APBB2: variants seen among roughly 807,000 people sequenced by gnomAD.
APBB2 encodes Fe65-like 1.
A neutral mutation model predicts 82.5 loss-of-function variants in APBB2; 38 were observed. The observed-to-expected ratio is 0.46, with a 90% CI of 0.36 to 0.60. The LOEUF (loss-of-function observed/expected upper bound fraction) is 0.60, where lower values mean the gene tolerates loss of function less well. Among genes scored for constraint, APBB2 ranks in the 20% least tolerant of loss-of-function variants. The pLI is 0.00. For synonymous variants in APBB2, 341 were observed against 368.2 expected (o/e 0.93, Z 0.85); for missense variants, 772 against 972.3 (o/e 0.79, Z 2.74).
intron 4 of APBB2, among the ~76,000 whole-genome samples, chr4:41,060,223 T>TAG (rs1362553148): frequency 1.3e-5 from 2 of 151,984 alleles, no homozygotes; most frequent in Non-Finnish European, 2.9e-5. Flanking sequence ...GAGCTAGAAA[T>TAG]AGAAAAGTAA....
At chr4:40,945,487 CT>C (rs35269476) in intron 6 of APBB2, among the ~76,000 whole-genome samples, 59,349 of 152,112 alleles carry the variant, frequency 0.39, 12,373 homozygotes, top group Non-Finnish European at 0.48. Context: ...AGCTATAACT[CT>C]TAATTTTCCT....
intron 10 of APBB2, among the ~76,000 whole-genome samples, chr4:40,920,004 GT>G (rs1363625079): frequency 6.6e-6 from 1 of 152,154 alleles, no homozygotes; most frequent in African/African-American, 2.4e-5. Context: ...TTCTCTGGCT[GT>G]TTTTTCCTCT....
chr4:40,854,978 T>C (rs1466096236), intron 12 of APBB2, among the ~76,000 whole-genome samples: 1 of 152,198 alleles, frequency 6.6e-6, no homozygotes, highest in African/African-American at 2.4e-5. Flanking sequence ...TGCCCCTCCT[T>C]GCAGCTGCAG....
At chr4:40,819,649 AG>A (rs2154294681) in intron 17 of APBB2, among the ~76,000 whole-genome samples, 1 of 152,266 alleles carries the variant, frequency 6.6e-6, no homozygotes, top group African/African-American at 2.4e-5. Flanking sequence ...AGAATAAAAA[AG>A]GGGCAGGCCT....
rs186581650 is a variant in APBB2, at chr4:41,109,615, C to A, written c.-260-8865G>T. ...CCTCCCGAGTAGCCGGGATTACAGG[C>A]ACCCACCACTACACTGGGCTAATTT... On this transcript the variant is annotated intron_variant, in intron 2 of 17. Coordinates refer to ENST00000508593, the MANE Select transcript of APBB2 (RefSeq NM_004307.2). 6.8e-3 allele frequency among the ~76,000 whole-genome samples: 1,038 copies of A among 152,246 alleles called. 13 individuals are homozygous for A. The highest frequency in any genetic ancestry group is 0.021 in the African/African-American group (887 of 41,556).
rs138701330 is a variant in APBB2, at chr4:41,147,212, T to C, written c.-416-4070A>G. Among the ~76,000 whole-genome samples, 547 of 152,334 alleles carry C rather than the reference T, an allele frequency of 3.6e-3. 2 individuals carry two copies. The highest frequency in any genetic ancestry group is 5.4e-3 in the Non-Finnish European group (367 of 68,034). On this transcript the variant is annotated intron_variant, in intron 1 of 17. Transcript: ENST00000508593. ...CACCTTAAAGTCATTTGTAAGATAA[T>C]GAGGGTAAGTTTAAATGTAGCAGTC... is the stretch of plus-strand genomic sequence containing the variant.
At chr4:41,146,335 A>C (rs1282758136) in intron 1 of APBB2, among the ~76,000 whole-genome samples, 1 of 150,776 alleles carries the variant, frequency 6.6e-6, no homozygotes, top group Non-Finnish European at 1.5e-5. Flanking sequence ...AAAAAAAAAA[A>C]AAAAAAAAAA....
chr4:40,963,193 T>C (rs1169426853), intron 6 of APBB2, among the ~76,000 whole-genome samples: 2 of 152,194 alleles, frequency 1.3e-5, no homozygotes, highest in African/African-American at 2.4e-5. Context: ...AATTCTGGCA[T>C]GTTCTAAGCA....
At chr4:41,110,522 G>A (rs1171922535) in intron 2 of APBB2, among the ~76,000 whole-genome samples, 2 of 151,392 alleles carry the variant, frequency 1.3e-5, no homozygotes, top group Middle Eastern at 3.4e-3. Flanking sequence ...AGAATCACTT[G>A]AGCCCGGGAG....
chr4:40,822,201 G>C, intron 16 of APBB2, 151 bp from the exon 17 acceptor site: 3 of 818,048 alleles, frequency 3.7e-6, no homozygotes, highest in Non-Finnish European at 5.8e-6. Context: ...TTGCCCAAAT[G>C]TCTGAAGAGG....
intron 10 of APBB2, among the ~76,000 whole-genome samples, 181 bp from the exon 11 acceptor site, chr4:40,893,592 AT>A (rs1206974459): frequency 2.5e-5 from 3 of 121,110 alleles, no homozygotes; most frequent in African/African-American, 9.1e-5. Flanking sequence ...AATTGTAACT[AT>A]TTTTTGCTAT....
intron 2 of APBB2, among the ~76,000 whole-genome samples, chr4:41,135,856 G>A (rs1757412295): frequency 6.6e-6 from 1 of 152,146 alleles, no homozygotes; most frequent in African/African-American, 2.4e-5. Flanking sequence ...TTCTAGACAG[G>A]ATCTGGGTCT....
At chr4:41,156,859 A>G (rs1168130348) in intron 1 of APBB2, among the ~76,000 whole-genome samples, 1 of 152,118 alleles carries the variant, frequency 6.6e-6, no homozygotes, top group Admixed American at 6.5e-5. Flanking sequence ...TGAGGTTAGG[A>G]GTTCGAGACC....
chr4:40,815,871 A>G lies in APBB2; in HGVS notation c.*221T>C. ...ATAAGAAAAAGACCTTCCACTGCGCATGATGTAACTTACAGCAAAAAAAAT... is the reference window on the plus strand; with the variant it reads ...ATAAGAAAAAGACCTTCCACTGCGCGTGATGTAACTTACAGCAAAAAAAAT... On this transcript the variant is annotated 3_prime_UTR_variant, in exon 18 of 18. Transcript: ENST00000508593. 1 of 538,218 alleles carries G rather than the reference A, an allele frequency of 1.9e-6. No individual in the cohort carries two copies. Among genetic ancestry groups the G allele is most frequent in the Non-Finnish European group, 3.3e-6 (1 of 301,204 alleles). The allele number at this position is 538,218 out of a possible 1,614,324, so 33.3% of individuals were successfully genotyped here. A position where few individuals can be genotyped will look rare whatever the true frequency, so the allele number is the denominator to read the frequency against.
rs185650444 is a variant in APBB2, at chr4:40,812,514, C to G, written c.*3578G>C. The G allele has an allele frequency of 6.6e-6, 1 of 152,180 alleles. No individual in the cohort carries two copies. The highest frequency in any genetic ancestry group is 1.5e-5 in the Non-Finnish European group (1 of 68,050). 9.4% of individuals were successfully genotyped at this position (152,180 alleles called of 1,614,324 possible). A position where few individuals can be genotyped will look rare whatever the true frequency, so the allele number is the denominator to read the frequency against. ...CTTTCTACTGGCCGTGTGGCACACACGTTAGATGTGTATTAGGTTAAGCCT... is the reference window on the plus strand; with the variant it reads ...CTTTCTACTGGCCGTGTGGCACACAGGTTAGATGTGTATTAGGTTAAGCCT... On this transcript the variant is annotated 3_prime_UTR_variant, in exon 18 of 18. Transcript: ENST00000508593.
Position 40,828,889 on chromosome 4 carries a change from C to T in APBB2, c.1644+1574G>A, listed in dbSNP as rs371872293. 3.3e-5 allele frequency among the ~76,000 whole-genome samples: 5 copies of T among 152,322 alleles called. No homozygotes were observed. The East Asian group carries it at 7.7e-4, about 24-fold the overall frequency. Reference sequence around the variant, plus strand: ...GGGACAGCTCCCTGCCCCTGTCCCTCCCTCAGGCACCATGGCTTGGACCTC... The same window carrying T: ...GGGACAGCTCCCTGCCCCTGTCCCTTCCTCAGGCACCATGGCTTGGACCTC... On this transcript the variant is annotated intron_variant, in intron 13 of 17. Transcript: ENST00000508593.
chr4:41,160,948 A>G (rs1764984860), intron 1 of APBB2, among the ~76,000 whole-genome samples: 1 of 152,152 alleles, frequency 6.6e-6, no homozygotes. Context: ...AAGGAGGTAG[A>G]TAAGTAATTT....
chr4:41,065,959 G>T (rs747513716), intron 3 of APBB2, among the ~76,000 whole-genome samples: 1 of 152,026 alleles, frequency 6.6e-6, no homozygotes, highest in Non-Finnish European at 1.5e-5. Context: ...CCCATCAAAA[G>T]TCCAGGCAAT....
intron 12 of APBB2, among the ~76,000 whole-genome samples, chr4:40,835,702 G>A (rs1327098620): frequency 6.6e-6 from 1 of 152,214 alleles, no homozygotes; most frequent in African/African-American, 2.4e-5. Context: ...CAATATTACA[G>A]GTGACCCCAT....
Sources: allele counts gnomAD v4.1 joint callset (sites outside exome capture counted in the v4.1 genomes callset), GRCh38; gene constraint gnomAD v4.1.1; transcripts MANE v1.5; gene names NCBI Gene and HGNC (gene_info 2026-07-23, HGNC 2026-07-21).